Variants in ANKS1B observed in about 807,000 individuals in gnomAD.
ANKS1B encodes the protein ankyrin repeat and sterile alpha motif domain-containing protein 1B.
Under a neutral mutation model 148.3 loss-of-function variants are expected in ANKS1B, and 36 were observed. That is an observed-to-expected ratio of 0.24 (90% confidence interval 0.19 to 0.32). ANKS1B has a LOEUF of 0.32. Ranked by LOEUF, ANKS1B falls within the 10% of genes least tolerant of loss-of-function variation. The pLI is 1.00. For missense variants in ANKS1B, 1,157 were observed against 1,542.6 expected, an observed-to-expected ratio of 0.75 and a Z score of 4.19; for synonymous variants, 542 against 560.8, an observed-to-expected ratio of 0.97 and a Z score of 0.47.
chr12:99,557,662 TCATTTCAGC>T (rs1365421077), intron 9 of ANKS1B, among the ~76,000 whole-genome samples: 1 of 152,216 alleles, frequency 6.6e-6, no homozygotes, highest in Non-Finnish European at 1.5e-5. Flanking sequence ...TCTATGTCTG[TCATTTCAGC>T]CATTTCAGCC....
intron 17 of ANKS1B, among the ~76,000 whole-genome samples, chr12:98,942,929 C>T (rs1162932963): frequency 6.6e-6 from 1 of 152,048 alleles, no homozygotes; most frequent in Non-Finnish European, 1.5e-5. Context: ...AGCTCAGTGT[C>T]GGAAACAACA....
intron 19 of ANKS1B, among the ~76,000 whole-genome samples, chr12:98,822,115 C>T (rs2099200186): frequency 6.6e-6 from 1 of 151,954 alleles, no homozygotes; most frequent in Admixed American, 6.6e-5. Context: ...GGACTCCTGC[C>T]CTTTTCTGCT....
intron 17 of ANKS1B, among the ~76,000 whole-genome samples, chr12:98,910,817 G>A (rs2099785746): frequency 1.3e-5 from 2 of 152,164 alleles, no homozygotes; most frequent in South Asian, 4.1e-4. Context: ...TGACTTTAGT[G>A]TGGTTTTGTT....
At chr12:99,940,698 A>C (rs1193470007) in intron 1 of ANKS1B, among the ~76,000 whole-genome samples, 7 of 152,190 alleles carry the variant, frequency 4.6e-5, no homozygotes, top group Admixed American at 3.9e-4. Flanking sequence ...AAAGTGATTC[A>C]AATTCCACAC....
intron 17 of ANKS1B, among the ~76,000 whole-genome samples, chr12:98,845,521 G>T (rs868804649): frequency 9.9e-5 from 15 of 152,130 alleles, no homozygotes; most frequent in Admixed American, 2.0e-4. Context: ...TATGAACTCT[G>T]CAGTCTATTC....
chr12:99,303,949 T>C (rs1226741290), intron 12 of ANKS1B, among the ~76,000 whole-genome samples: 3 of 152,204 alleles, frequency 2.0e-5, no homozygotes, highest in Non-Finnish European at 4.4e-5. Context: ...TTGCTGAGAA[T>C]GCCATTATTT....
chr12:98,795,132 T>C (rs1311007038), intron 22 of ANKS1B, among the ~76,000 whole-genome samples: 2 of 152,240 alleles, frequency 1.3e-5, no homozygotes, highest in African/African-American at 4.8e-5. Flanking sequence ...GCAGCATTTG[T>C]ATAATAACTA....
At chr12:99,970,000 G>A (rs887047456) in intron 1 of ANKS1B, among the ~76,000 whole-genome samples, 2 of 152,150 alleles carry the variant, frequency 1.3e-5, no homozygotes, top group African/African-American at 4.8e-5. Context: ...TGGCCTGTGT[G>A]ATGTTTACAA....
intron 9 of ANKS1B, among the ~76,000 whole-genome samples, chr12:99,580,356 GAA>G (rs998789789): frequency 3.1e-4 from 47 of 151,264 alleles, no homozygotes; most frequent in African/African-American, 1.0e-3. Flanking sequence ...AGTTGAAAGA[GAA>G]AAAAAATTAA....
chr12:99,717,413 G>C (rs1025444357), intron 8 of ANKS1B, among the ~76,000 whole-genome samples: 1 of 152,114 alleles, frequency 6.6e-6, no homozygotes, highest in Admixed American at 6.5e-5. Context: ...CGCCTAAACC[G>C]CAGTGGCCAG....
At chr12:99,528,446 A>AC (rs2096952935) in intron 9 of ANKS1B, among the ~76,000 whole-genome samples, 1 of 134,652 alleles carries the variant, frequency 7.4e-6, no homozygotes, top group South Asian at 2.9e-4. Context: ...AAAAAAAACA[A>AC]AAAAAAAACC....
Position 99,429,369 on chromosome 12 carries a change from T to C in ANKS1B, c.1575+14304A>G, listed in dbSNP as rs73373922. On this transcript the variant is annotated intron_variant, in intron 11 of 26. Coordinates refer to ENST00000683438, the MANE Select transcript of ANKS1B (RefSeq NM_001352186.2). ...CCCTGAATCTAATTATAAGGAAATA[T>C]CAGACAATCCAAATTGAGGAACATT... Among the ~76,000 whole-genome samples, 635 of 152,324 alleles carry C rather than the reference T, an allele frequency of 4.2e-3. 4 individuals are homozygous for C. Among genetic ancestry groups the C allele is most frequent in the African/African-American group, 0.014 (564 of 41,578 alleles).
intron 9 of ANKS1B, among the ~76,000 whole-genome samples, chr12:99,639,616 G>T (rs1207158542): frequency 6.6e-6 from 1 of 152,120 alleles, no homozygotes; most frequent in African/African-American, 2.4e-5. Context: ...CCCCCATCCT[G>T]CTGTTCTCAT....
chr12:99,850,742 G>C (rs977976869), intron 1 of ANKS1B, among the ~76,000 whole-genome samples: 9 of 152,034 alleles, frequency 5.9e-5, no homozygotes, highest in African/African-American at 1.9e-4. Flanking sequence ...CTATGTTAAT[G>C]TCAAGTTTAA....
At chr12:99,016,951 T>C (rs1282824988) in intron 17 of ANKS1B, among the ~76,000 whole-genome samples, 1 of 152,164 alleles carries the variant, frequency 6.6e-6, no homozygotes, top group Non-Finnish European at 1.5e-5. Flanking sequence ...GCAATTAAAG[T>C]TCCATGTCCA....
chr12:99,267,226 A>G (rs529147274), intron 12 of ANKS1B, among the ~76,000 whole-genome samples: 3 of 152,322 alleles, frequency 2.0e-5, no homozygotes, highest in African/African-American at 4.8e-5. Flanking sequence ...GCTGCTTTCA[A>G]TTGCTCAAGC....
chr12:99,879,478 C>A (rs567299240), intron 1 of ANKS1B, among the ~76,000 whole-genome samples: 7 of 152,282 alleles, frequency 4.6e-5, no homozygotes, highest in African/African-American at 1.7e-4. Context: ...TTAAACAATT[C>A]TTTTGTTTGT....
chr12:99,971,939 G>A, intron 1 of ANKS1B, among the ~76,000 whole-genome samples: 1 of 152,144 alleles, frequency 6.6e-6, no homozygotes, highest in East Asian at 1.9e-4. Context: ...TAGGAACCAT[G>A]TGTCTAACAA....
chr12:99,608,249 G>A (rs1203658532), intron 9 of ANKS1B, among the ~76,000 whole-genome samples: 1 of 151,958 alleles, frequency 6.6e-6, no homozygotes, highest in Admixed American at 6.6e-5. Context: ...CATGGGTGTG[G>A]TAAGCACTCT....
Sources: allele counts gnomAD v4.1 joint callset (sites outside exome capture counted in the v4.1 genomes callset), GRCh38; gene constraint gnomAD v4.1.1; transcripts MANE v1.5; gene names NCBI Gene and HGNC (gene_info 2026-07-23, HGNC 2026-07-21).